Variants in KLHL1 observed in about 807,000 individuals in gnomAD.
The protein encoded by KLHL1 is kelch like family member 1, also known as kelch-like protein 1.
In KLHL1, 47 loss-of-function variants were observed where a neutral mutation model predicts 77.7. The observed-to-expected ratio is 0.60, with a 90% CI of 0.48 to 0.77. The LOEUF is 0.77. KLHL1 is among the 30% of genes least tolerant of loss of function. KLHL1 has a pLI of 0.00. For synonymous variants in KLHL1, 360 were observed against 325.2 expected (o/e 1.11, Z -1.15); for missense variants, 925 against 910.8 (o/e 1.02, Z -0.20).
chr13:70,010,752 T>C (rs9542157), intron 1 of KLHL1, among the ~76,000 whole-genome samples: 69,545 of 151,162 alleles, frequency 0.46, 16,127 homozygotes, highest in South Asian at 0.52. Flanking sequence ...ATTAGCTGGG[T>C]GTGGTGGTGG....
intron 4 of KLHL1, among the ~76,000 whole-genome samples, chr13:69,938,339 A>G (rs572905313): frequency 1.3e-5 from 2 of 152,144 alleles, no homozygotes; most frequent in South Asian, 4.1e-4. Flanking sequence ...CTAAGAAATA[A>G]ATTAATTTAG....
At position 69,884,565 on chromosome 13, in the gene KLHL1, C is replaced by G. The variant is rs143912368; in HGVS notation, c.1015-2070G>C. On this transcript the variant is annotated intron_variant, in intron 4 of 10. Coordinates refer to ENST00000377844, the MANE Select transcript of KLHL1 (RefSeq NM_020866.3). ...ACACAGAACTCTATAGCTAGGCCAT[C>G]AAAATATAGTGAGGGATGTCATAAA... Among the ~76,000 whole-genome samples, 26 of 152,092 alleles carry G rather than the reference C, an allele frequency of 1.7e-4. 1 individual carries two copies. In the East Asian group the frequency reaches 4.8e-3, roughly 28 times the overall value.
At chr13:69,789,007 C>T (rs965509522) in intron 7 of KLHL1, among the ~76,000 whole-genome samples, 2 of 148,030 alleles carry the variant, frequency 1.4e-5, no homozygotes, top group Admixed American at 6.8e-5. Flanking sequence ...AAACACTGGA[C>T]TCCACAGGAC....
At chr13:69,774,680 A>T (rs1482192162) in intron 7 of KLHL1, among the ~76,000 whole-genome samples, 3 of 152,022 alleles carry the variant, frequency 2.0e-5, no homozygotes, top group Admixed American at 6.6e-5. Flanking sequence ...AAACACACAC[A>T]CACAAGCAAG....
At chr13:69,983,607 A>AAG (rs1884780042) in intron 1 of KLHL1, among the ~76,000 whole-genome samples, 2 of 110,380 alleles carry the variant, frequency 1.8e-5, no homozygotes, top group African/African-American at 1.1e-4. Flanking sequence ...AGAAGAAGAG[A>AAG]AAAAAAAAAA....
chr13:69,861,130 A>ATT (rs1880140007), intron 5 of KLHL1, among the ~76,000 whole-genome samples: 1 of 152,118 alleles, frequency 6.6e-6, no homozygotes, highest in Non-Finnish European at 1.5e-5. Flanking sequence ...ACTGGTAAAT[A>ATT]TTATTTTATG....
At chr13:69,876,388 T>A (rs1880763859) in intron 5 of KLHL1, among the ~76,000 whole-genome samples, 1 of 152,226 alleles carries the variant, frequency 6.6e-6, no homozygotes, top group Non-Finnish European at 1.5e-5. Flanking sequence ...TCACCCTTCC[T>A]TCTTGCATTG....
chr13:69,821,415 A>G (rs1469552991), intron 6 of KLHL1, among the ~76,000 whole-genome samples: 2 of 152,088 alleles, frequency 1.3e-5, no homozygotes, highest in African/African-American at 2.4e-5. Context: ...CCCAGGTTCA[A>G]GCAATTCTCA....
At chr13:69,861,795 A>C (rs921373482) in intron 5 of KLHL1, among the ~76,000 whole-genome samples, 2 of 147,978 alleles carry the variant, frequency 1.4e-5, no homozygotes, top group African/African-American at 4.9e-5. Context: ...TAAAAAAAAA[A>C]AAAAAAAAAA....
chr13:69,807,459 C>T (rs1018201315), intron 6 of KLHL1, among the ~76,000 whole-genome samples: 1 of 152,024 alleles, frequency 6.6e-6, no homozygotes, highest in Non-Finnish European at 1.5e-5. Context: ...CTTCTGCTCC[C>T]ACTGCTACCT....
At chr13:69,863,738 G>C (rs1341781146) in intron 5 of KLHL1, among the ~76,000 whole-genome samples, 1 of 151,996 alleles carries the variant, frequency 6.6e-6, no homozygotes, top group Non-Finnish European at 1.5e-5. Flanking sequence ...AACAGATTCA[G>C]TTGTTCTTGC....
intron 7 of KLHL1, among the ~76,000 whole-genome samples, chr13:69,778,622 G>T (rs1875956682): frequency 6.6e-6 from 1 of 151,888 alleles, no homozygotes; most frequent in African/African-American, 2.4e-5. Context: ...ATAAAATTTT[G>T]CCTCTGGAAA....
At chr13:69,785,391 G>A (rs1220148570) in intron 7 of KLHL1, among the ~76,000 whole-genome samples, 6 of 152,140 alleles carry the variant, frequency 3.9e-5, no homozygotes, top group African/African-American at 7.2e-5. Context: ...TGAACAACCT[G>A]CTCCTCAATG....
chr13:70,068,437 A>C (rs1887066179), intron 1 of KLHL1, among the ~76,000 whole-genome samples: 2 of 152,220 alleles, frequency 1.3e-5, no homozygotes. Context: ...TTTTATTAGG[A>C]CCTGTATACA....
At chr13:69,934,226 C>T (rs139431305) in intron 4 of KLHL1, among the ~76,000 whole-genome samples, 2 of 152,158 alleles carry the variant, frequency 1.3e-5, no homozygotes, top group African/African-American at 4.8e-5. Context: ...GTAAGGCTCG[C>T]CATCAGTAAA....
chr13:69,713,657 C>T (rs1875980598), intron 9 of KLHL1, among the ~76,000 whole-genome samples: 1 of 151,880 alleles, frequency 6.6e-6, no homozygotes, highest in South Asian at 2.1e-4. Flanking sequence ...TAAGAGAATT[C>T]TAAGAATTAA....
Position 69,985,804 on chromosome 13 carries a change from TTTATATA to T in KLHL1, c.498-10009_498-10003del, listed in dbSNP as rs1047214550. On this transcript the variant is annotated intron_variant, in intron 1 of 10. Coordinates refer to ENST00000377844, the MANE Select transcript of KLHL1 (RefSeq NM_020866.3). ...TATATATATATATATTTTATATATA[TTTATATA>T]TTATATATTATATATATATCTTATG... Among the ~76,000 whole-genome samples, 307 of 147,210 alleles carry T rather than the reference TTTATATA, an allele frequency of 2.1e-3. 1 individual carries two copies. The highest frequency in any genetic ancestry group is 6.7e-3 in the African/African-American group (272 of 40,564).
At chr13:69,994,421 C>G (rs1015681207) in intron 1 of KLHL1, among the ~76,000 whole-genome samples, 1 of 152,104 alleles carries the variant, frequency 6.6e-6, no homozygotes, top group Non-Finnish European at 1.5e-5. Context: ...AAAACCCTCA[C>G]CAGGATTTTA....
chr13:69,748,254 A>G (rs1206529987), intron 7 of KLHL1, among the ~76,000 whole-genome samples: 14 of 152,044 alleles, frequency 9.2e-5, no homozygotes, highest in Non-Finnish European at 1.5e-4. Flanking sequence ...CGCTTGTATC[A>G]GTCCGTTTTC....
Sources: allele counts gnomAD v4.1 joint callset (sites outside exome capture counted in the v4.1 genomes callset), GRCh38; gene constraint gnomAD v4.1.1; transcripts MANE v1.5; gene names NCBI Gene and HGNC (gene_info 2026-07-23, HGNC 2026-07-21).